NRAP: variants seen among roughly 807,000 people sequenced by gnomAD.
NRAP encodes the protein nebulin related anchoring protein.
A neutral mutation model predicts 225.9 loss-of-function variants in NRAP; 189 were observed. The ratio of observed to expected loss-of-function variants is 0.84; its 90% CI spans 0.74 to 0.94. The LOEUF (loss-of-function observed/expected upper bound fraction) is 0.94. Among genes scored for constraint, NRAP ranks in the 40% least tolerant of loss-of-function variants. The probability of loss-of-function intolerance (pLI) is 0.00; values close to 1 mark genes in which losing one functional copy is unlikely to be tolerated. For synonymous variants in NRAP, 769 were observed against 790.7 expected, an observed-to-expected ratio of 0.97 and a Z score of 0.46; for missense variants, 2,176 against 2,168.7, an observed-to-expected ratio of 1.00 and a Z score of -0.07.
chr10:113,598,220 CGTCAA>C, intron 35 of NRAP, 147 bp from the exon 36 acceptor site: 1 of 661,604 alleles, frequency 1.5e-6, no homozygotes, highest in Non-Finnish European at 2.8e-6. Context: ...TTCTGCATGT[CGTCAA>C]GTCAAACTGT....
At chr10:113,590,921 G>C in intron 39 of NRAP, 32 bp from the exon 40 acceptor site, 6 of 1,593,980 alleles carry the variant, frequency 3.8e-6, no homozygotes, top group Non-Finnish European at 5.2e-6. Flanking sequence ...GCAGATCATG[G>C]GTGCCTACCT....
Position 113,626,060 on chromosome 10 carries a change from T to C in NRAP, c.2231A>G (p.Glu744Gly). The C allele has an allele frequency of 6.2e-7, 1 of 1,611,764 alleles. No individual in the cohort carries two copies. Among genetic ancestry groups the C allele is most frequent in the South Asian group, 1.1e-5 (1 of 90,396 alleles). The change falls in exon 21 of 42, where the codon GAG becomes GGG. Residue 744 changes from glutamate to glycine, a missense_variant. Around this residue, in one of 3 missense-constraint regions of NRAP, gnomAD observed 1,708 missense variants for 1,695.5 expected, o/e 1.01. Transcript: ENST00000359988. ...SQMEHAKKSQ[E>G]LQSGVAYKAG... The stretch of plus-strand genomic sequence containing the variant: ...CCCAGGACTCACCCCGCTCTGTAGC[T>C]CCTGGCTCTTCTTGGCGTGCTCCAT...
intron 31 of NRAP, among the ~76,000 whole-genome samples, chr10:113,610,216 G>A (rs1443164616): frequency 6.6e-6 from 1 of 151,908 alleles, no homozygotes; most frequent in Non-Finnish European, 1.5e-5. Flanking sequence ...CAGGCATGGT[G>A]GCACTCACCT....
chr10:113,608,447 A>G lies in NRAP; in HGVS notation c.3669T>C (p.Leu1223=). The change falls in exon 32 of 42, where the codon CTT becomes CTC. Residue 1223 remains leucine, a synonymous_variant. Transcript: ENST00000359988. The stretch of plus-strand genomic sequence containing the variant: ...TTATCTGGTTGCTGAATTTCGCATG[A>G]AGGAGGTTGGGAGTGTCTGTCACAG... ...YTAVTDTPNL[L]HAKFSNQITN... The G allele has an allele frequency of 1.2e-6, 2 of 1,613,420 alleles. No homozygotes were observed. The highest frequency in any genetic ancestry group is 8.5e-7 in the Non-Finnish European group (1 of 1,179,556).
Position 113,612,398 on chromosome 10 carries a change from C to A in NRAP, c.3334G>T (p.Ala1112Ser), listed in dbSNP as rs879047105. 2.5e-6 allele frequency: 4 copies of A among 1,614,140 alleles called. No homozygotes were observed. The highest frequency in any genetic ancestry group is 3.3e-5 in the Admixed American group (2 of 60,032). The change falls in exon 30 of 42, where the codon GCG (alanine) becomes TCG (serine). Residue 1112 changes from alanine to serine, a missense_variant. By Grantham distance (99) the Ala-to-Ser change is moderately conservative. This residue lies in a region of NRAP where 1,708 missense variants were observed against 1,695.5 expected (regional missense o/e 1.01). Coordinates refer to ENST00000359988, the MANE Select transcript of NRAP (RefSeq NM_198060.4). ...NYKKGFEHSK[A>S]QFHLPLDMAA... ...ATGTCCAACGGCAGATGGAACTGCG[C>A]CTTTGAGTGTTCAAAGCCTTTCTTG...
intron 31 of NRAP, 30 bp downstream of exon 31, chr10:113,610,429 T>C (rs1847258039): frequency 7.1e-6 from 7 of 991,292 alleles, no homozygotes; most frequent in African/African-American, 1.6e-5. Context: ...GGAAATGTCC[T>C]GGACACTCAA....
chr10:113,656,728 T>C (rs897156961), intron 4 of NRAP, among the ~76,000 whole-genome samples: 3 of 152,188 alleles, frequency 2.0e-5, no homozygotes, highest in African/African-American at 7.2e-5. Context: ...GATCCTTCAA[T>C]AAATGGTAGC....
chr10:113,634,098 G>C lies in NRAP; in HGVS notation c.1527+14C>G, dbSNP rs781541976. 32 of 1,581,164 alleles carry C rather than the reference G, an allele frequency of 2.0e-5. No homozygotes were observed. Among genetic ancestry groups the C allele is most frequent in the Non-Finnish European group, 2.8e-5 (32 of 1,150,256 alleles). On this transcript the variant is annotated intron_variant, in intron 15 of 41. Coordinates refer to ENST00000359988, the MANE Select transcript of NRAP (RefSeq NM_198060.4). ...AAGACCCCTACATCCAGCTGGGCAG[G>C]GACAGTTACTTACATGACTCAGCTG...
At chr10:113,652,201 A>G (rs2185912) in intron 6 of NRAP, among the ~76,000 whole-genome samples, 133,668 of 152,204 alleles carry the variant, frequency 0.88, 58,773 homozygotes, top group East Asian at 0.91. Flanking sequence ...AGAAGCCAAG[A>G]AAGAGAGAAA....
At position 113,628,980 on chromosome 10, in the gene NRAP, C is replaced by A; in HGVS notation, c.2082G>T (p.Gly694=). The part of the protein sequence containing the change: ...KADLAWMKGV[G]WLTEGSLNLE... ...AGTTGAGACTCCCCTCTGTCAGCCA[C>A]CCAACTCCCTTCATCCATGCCAGGT... The change falls in exon 20 of 42, where the codon GGG becomes GGT. Residue 694 remains glycine, a synonymous_variant. Coordinates refer to ENST00000359988, the MANE Select transcript of NRAP (RefSeq NM_198060.4). 1 of 1,614,002 alleles carries A rather than the reference C, an allele frequency of 6.2e-7. No individual in the cohort carries two copies. Among genetic ancestry groups the A allele is most frequent in the Non-Finnish European group, 8.5e-7 (1 of 1,179,920 alleles).
At chr10:113,657,874 A>G (rs1259726104) in intron 3 of NRAP, among the ~76,000 whole-genome samples, 1 of 152,188 alleles carries the variant, frequency 6.6e-6, no homozygotes, top group Non-Finnish European at 1.5e-5. Flanking sequence ...CTCAGAAAAC[A>G]TTGGGCATTA....
intron 3 of NRAP, among the ~76,000 whole-genome samples, chr10:113,659,856 T>G (rs1229413646): frequency 2.0e-5 from 3 of 152,164 alleles, no homozygotes; most frequent in Non-Finnish European, 4.4e-5. Context: ...TCTCTTTCCT[T>G]TTTTGATTTT....
chr10:113,614,923 G>C lies in NRAP; in HGVS notation c.3102C>G (p.Ser1034Arg). 6.2e-7 allele frequency: 1 copy of C among 1,610,022 alleles called. No individual in the cohort carries two copies. The highest frequency in any genetic ancestry group is 8.5e-7 in the Non-Finnish European group (1 of 1,176,196). ...GTTTATAGCCACCATCTCGAAGTTT[G>C]CTCCAGGATTCCTTATAACGCGTCT... Reference protein sequence around the residue: ...ISETRYKESWSKLRDGGYKLR... With the variant: ...ISETRYKESWRKLRDGGYKLR... The change falls in exon 28 of 42, where the codon AGC becomes AGG. Residue 1034 changes from serine to arginine, a missense_variant. This residue lies in a region of NRAP where 1,708 missense variants were observed against 1,695.5 expected (regional missense o/e 1.01). Coordinates refer to ENST00000359988, the MANE Select transcript of NRAP (RefSeq NM_198060.4).
chr10:113,651,519 G>A (rs1849965689), intron 7 of NRAP, among the ~76,000 whole-genome samples: 1 of 152,080 alleles, frequency 6.6e-6, no homozygotes, highest in Non-Finnish European at 1.5e-5. Context: ...GGGCCCCAGT[G>A]TGTGTTGTTC....
At chr10:113,662,372 A>G (rs1464700196) in intron 3 of NRAP, among the ~76,000 whole-genome samples, 1 of 152,082 alleles carries the variant, frequency 6.6e-6, no homozygotes, top group Non-Finnish European at 1.5e-5. Flanking sequence ...CTATTTTGAA[A>G]TATATGATAC....
In NRAP at chr10:113,630,526, T is replaced by C. The variant is rs114713885; in HGVS notation, c.1843-741A>G. On this transcript the variant is annotated intron_variant, in intron 18 of 41. Coordinates refer to ENST00000359988, the MANE Select transcript of NRAP (RefSeq NM_198060.4). ...AGATAGTATGCTATAGTAGAAGGAG[T>C]GTGGTGCCAGGTAATAAGAGTTCTA... 6.7e-3 allele frequency among the ~76,000 whole-genome samples: 1,019 copies of C among 152,064 alleles called. 14 individuals are homozygous for C. The highest frequency in any genetic ancestry group is 0.024 in the African/African-American group (983 of 41,456).
rs372446670 is a variant in NRAP, at chr10:113,652,922, C to T, written c.570+13G>A. 3.6e-4 allele frequency: 572 copies of T among 1,584,516 alleles called. 1 individual carries two copies. The highest frequency in any genetic ancestry group is 7.2e-4 in the Admixed American group (42 of 58,550). ...TAGCATAATCAATGGTGAAAAAGCA[C>T]CCAGGCACTCACTTGGCTGGCCAGC... On this transcript the variant is annotated intron_variant, in intron 6 of 41. Transcript: ENST00000359988.
intron 26 of NRAP, 27 bp from the exon 27 acceptor site, chr10:113,615,843 A>T (rs771905550): frequency 4.7e-6 from 6 of 1,272,982 alleles, no homozygotes; most frequent in Non-Finnish European, 6.9e-6. Flanking sequence ...GTTTTGCATG[A>T]AACCTAGACC....
intron 13 of NRAP, 146 bp from the exon 14 acceptor site, chr10:113,640,477 C>T (rs1203226874): frequency 5.6e-6 from 3 of 531,038 alleles, no homozygotes; most frequent in Non-Finnish European, 9.9e-6. Context: ...TATGTTCACA[C>T]TTTTGTCTTT....
Sources: allele counts gnomAD v4.1 joint callset (sites outside exome capture counted in the v4.1 genomes callset), GRCh38; gene constraint gnomAD v4.1.1; regional missense constraint gnomAD v4.1.1; transcripts MANE v1.5; gene names NCBI Gene and HGNC (gene_info 2026-07-23, HGNC 2026-07-21).